Variants in GRIN2B observed in about 807,000 individuals in gnomAD.
GRIN2B encodes the protein glutamate ionotropic receptor NMDA type subunit 2B, also known as glutamate receptor ionotropic, NMDA 2B.
GRIN2B carries 5 observed loss-of-function variants against 114.5 expected under a neutral mutation model. The ratio of observed to expected loss-of-function variants is 0.04; its 90% CI spans 0.02 to 0.09. GRIN2B has a LOEUF of 0.09. Among genes scored for constraint, GRIN2B ranks in the 10% least tolerant of loss-of-function variants. The pLI is 1.00. For synonymous variants in GRIN2B, 787 were observed against 745.1 expected, an observed-to-expected ratio of 1.06 and a Z score of -0.92; for missense variants, 1,108 against 1,943.5, an observed-to-expected ratio of 0.57 and a Z score of 8.08.
intron 6 of GRIN2B, 100 bp downstream of exon 6, chr12:13,616,355 C>T: frequency 1.2e-6 from 1 of 825,316 alleles, no homozygotes; most frequent in Non-Finnish European, 2.1e-6. Context: ...AGACACAGTG[C>T]CCAATTCTCA....
chr12:13,691,114 A>C (rs1041001056), intron 4 of GRIN2B, among the ~76,000 whole-genome samples: 1 of 152,010 alleles, frequency 6.6e-6, no homozygotes, highest in Non-Finnish European at 1.5e-5. Flanking sequence ...ACATAACTAC[A>C]AAATCCCATT....
chr12:13,661,282 C>T (rs1162480493), intron 5 of GRIN2B, among the ~76,000 whole-genome samples: 2 of 152,162 alleles, frequency 1.3e-5, no homozygotes, highest in Non-Finnish European at 2.9e-5. Context: ...AATGCACACT[C>T]CTCATGTGCC....
intron 3 of GRIN2B, among the ~76,000 whole-genome samples, chr12:13,770,197 C>T (rs958659775): frequency 6.6e-6 from 1 of 152,228 alleles, no homozygotes; most frequent in Non-Finnish European, 1.5e-5. Context: ...CAAATCACAT[C>T]ATTCCCCACA....
At position 13,553,198 on chromosome 12, in the gene GRIN2B, G is replaced by GGA. The variant is rs1248934054; in HGVS notation, c.*9583_*9584dup. ...TAGATTGCTAAGTAGAGCCAAGAGAGGAGGAGGAAGGGTTAACAGGGCTTC... is the reference window on the plus strand; with the variant it reads ...TAGATTGCTAAGTAGAGCCAAGAGAGGAGAGGAGGAAGGGTTAACAGGGCTTC... On this transcript the variant is annotated 3_prime_UTR_variant, in exon 14 of 14. Coordinates refer to ENST00000609686, the MANE Select transcript of GRIN2B (RefSeq NM_000834.5). 1 of 152,298 alleles carries GGA rather than the reference G, an allele frequency of 6.6e-6. No individual in the cohort carries two copies. The highest frequency in any genetic ancestry group is 1.5e-5 in the Non-Finnish European group (1 of 68,118). The allele number at this position is 152,298 out of a possible 1,614,324, so 9.4% of individuals were successfully genotyped here. A position where few individuals can be genotyped will look rare whatever the true frequency, so the allele number is the denominator to read the frequency against.
intron 2 of GRIN2B, among the ~76,000 whole-genome samples, chr12:13,936,071 T>C (rs219895): frequency 0.86 from 130,192 of 152,112 alleles, 55,871 homozygotes; most frequent in East Asian, 0.99. Flanking sequence ...GGTGGATTAT[T>C]AGAGACACAT....
chr12:13,759,809 G>A (rs562655336), intron 3 of GRIN2B, among the ~76,000 whole-genome samples: 4 of 152,302 alleles, frequency 2.6e-5, no homozygotes, highest in South Asian at 2.1e-4. Context: ...ACTCCCCAGT[G>A]TACTACAAAG....
At chr12:13,933,511 C>G (rs1232987952) in intron 2 of GRIN2B, among the ~76,000 whole-genome samples, 1 of 152,180 alleles carries the variant, frequency 6.6e-6, no homozygotes, top group Non-Finnish European at 1.5e-5. Context: ...ACTTACAGTT[C>G]TGTTCTATTT....
intron 3 of GRIN2B, among the ~76,000 whole-genome samples, chr12:13,842,206 C>T (rs1865391147): frequency 6.6e-6 from 1 of 152,190 alleles, no homozygotes; most frequent in Admixed American, 6.5e-5. Flanking sequence ...AATTCAGCCA[C>T]ATAGGGGTTT....
In GRIN2B at chr12:13,562,752, C is replaced by G. The variant is rs200820444; in HGVS notation, c.*31G>C. Reference sequence around the variant, plus strand: ...CACGCGACCCACAGCCTTACCCTCCCGTACCCACCTTAACCTCTCTGTTCC... The same window carrying G: ...CACGCGACCCACAGCCTTACCCTCCGGTACCCACCTTAACCTCTCTGTTCC... On this transcript the variant is annotated 3_prime_UTR_variant, in exon 14 of 14. Coordinates refer to ENST00000609686, the MANE Select transcript of GRIN2B (RefSeq NM_000834.5). 1.3e-6 allele frequency: 2 copies of G among 1,589,934 alleles called. No individual in the cohort carries two copies. The highest frequency in any genetic ancestry group is 2.2e-5 in the East Asian group (1 of 44,758).
intron 5 of GRIN2B, among the ~76,000 whole-genome samples, chr12:13,660,235 C>G (rs141065680): frequency 3.9e-5 from 6 of 152,310 alleles, no homozygotes; most frequent in African/African-American, 1.4e-4. Flanking sequence ...GAGGACCACA[C>G]ACAGGCATGA....
chr12:13,867,401 T>A (rs1305426714), intron 2 of GRIN2B, among the ~76,000 whole-genome samples: 2 of 152,202 alleles, frequency 1.3e-5, no homozygotes, highest in African/African-American at 4.8e-5. Context: ...GAGCTCCTCT[T>A]ATTTTAATAT....
At chr12:13,877,494 G>A (rs17761383) in intron 2 of GRIN2B, among the ~76,000 whole-genome samples, 5,826 of 152,258 alleles carry the variant, frequency 0.038, 156 homozygotes, top group Admixed American at 0.062. Context: ...GTGTAACTGA[G>A]CACCTATTCG....
chr12:13,753,907 G>A lies in GRIN2B; in HGVS notation c.420C>T (p.Ser140=), dbSNP rs2136629594. 6.3e-7 allele frequency: 1 copy of A among 1,599,558 alleles called. No individual in the cohort carries two copies. The change falls in exon 4 of 14, where the codon TCC becomes TCT. Residue 140 remains serine, a synonymous_variant. Transcript: ENST00000609686. This position sits in a 1 kb window ranked among gnomAD's most constrained non-coding sequence, Gnocchi z 6.2. ...ATGGGCCAAACTGGAAGAACATGGA[G>A]GATTCATCCTAGAAAAAGAACAGGA... The part of the protein sequence containing the change: ...SSMIMADKDE[S]SMFFQFGPSI...
At chr12:13,628,294 G>A (rs965650056) in intron 5 of GRIN2B, among the ~76,000 whole-genome samples, 2 of 152,126 alleles carry the variant, frequency 1.3e-5, no homozygotes, top group African/African-American at 4.8e-5. Flanking sequence ...AAGGCACCAG[G>A]TTGTTGCAGA....
chr12:13,961,157 G>A (rs1051551246), intron 2 of GRIN2B, among the ~76,000 whole-genome samples: 4 of 152,048 alleles, frequency 2.6e-5, no homozygotes, highest in African/African-American at 7.2e-5. Flanking sequence ...CAAGTGGGTG[G>A]GTCAGTACTG....
chr12:13,949,537 C>A (rs1189522255), intron 2 of GRIN2B, among the ~76,000 whole-genome samples: 1 of 152,040 alleles, frequency 6.6e-6, no homozygotes, highest in Admixed American at 6.6e-5. Context: ...TCAAAGCCAC[C>A]GACATAAGGT....
In GRIN2B at chr12:13,912,390, T is replaced by A. The variant is rs552410177; in HGVS notation, c.-18-46164A>T. Among the ~76,000 whole-genome samples the A allele has an allele frequency of 2.6e-5, 4 of 152,244 alleles. No individual in the cohort carries two copies. The East Asian group carries it at 7.7e-4, about 29-fold the overall frequency. On this transcript the variant is annotated intron_variant, in intron 2 of 13. Transcript: ENST00000609686. ...GGAAAGTGAATCACTTTCCAAAGGT[T>A]TAGCATTTAAAGGAAATGATGGGTG...
chr12:13,714,293 G>A (rs1367310540), intron 4 of GRIN2B, among the ~76,000 whole-genome samples: 1 of 151,854 alleles, frequency 6.6e-6, no homozygotes, highest in Non-Finnish European at 1.5e-5. Context: ...GAGCAAAGCA[G>A]ATCTATTCAG....
intron 2 of GRIN2B, among the ~76,000 whole-genome samples, chr12:13,889,820 G>T (rs1866227784): frequency 6.6e-6 from 1 of 152,188 alleles, no homozygotes; most frequent in South Asian, 2.1e-4. Flanking sequence ...TTCACAAGTA[G>T]ATCTGAGCCC....
Sources: gnomAD v4.1 joint callset for allele counts (sites outside exome capture counted in the v4.1 genomes callset) on GRCh38, gnomAD v4.1.1 for gene constraint, Gnocchi (gnomAD v3.1) non-coding constraint, MANE v1.5 for transcripts, NCBI Gene and HGNC (gene_info 2026-07-23, HGNC 2026-07-21) for gene names.